Variants in GLIS1 observed in about 807,000 individuals in gnomAD.
GLIS1 encodes GLIS family zinc finger 1.
GLIS1 carries 24 observed loss-of-function variants against 63.8 expected under a neutral mutation model. The observed-to-expected ratio is 0.38, with a 90% confidence interval of 0.27 to 0.53. GLIS1 has a LOEUF of 0.53. Ranked by LOEUF, GLIS1 falls within the 20% of genes least tolerant of loss-of-function variation. The pLI is 0.85. For missense variants in GLIS1, 1,036 were observed against 1,074.1 expected, an observed-to-expected ratio of 0.96 and a Z score of 0.50; for synonymous variants, 450 against 482.5, an observed-to-expected ratio of 0.93 and a Z score of 0.88.
chr1:53,518,722 C>T (rs189221085), intron 7 of GLIS1, among the ~76,000 whole-genome samples: 72 of 152,306 alleles, frequency 4.7e-4, no homozygotes, highest in Non-Finnish European at 8.1e-4. Flanking sequence ...TGTTTCTCAT[C>T]GGTAGCATGG....
At chr1:53,556,813 GGT>G in intron 4 of GLIS1, among the ~76,000 whole-genome samples, 1 of 147,768 alleles carries the variant, frequency 6.8e-6, no homozygotes, top group South Asian at 2.2e-4. Context: ...GTATACTGCA[GGT>G]GTGTGTGTGC....
intron 2 of GLIS1, among the ~76,000 whole-genome samples, chr1:53,692,043 C>T (rs774493737): frequency 6.6e-6 from 1 of 152,192 alleles, no homozygotes; most frequent in South Asian, 2.1e-4. Context: ...CAGCCTGCAG[C>T]CCACTCTGCA....
intron 4 of GLIS1, among the ~76,000 whole-genome samples, chr1:53,571,813 C>T (rs369373422): frequency 1.3e-5 from 2 of 151,868 alleles, no homozygotes; most frequent in East Asian, 3.9e-4. Flanking sequence ...CTCCTGACCT[C>T]GTGATCCGCC....
rs490537 is a variant in GLIS1, at chr1:53,560,053, T to C, written c.1321-30101A>G. ...GTGCTCCCTGACTTCCCAGGCAGGATTAGAGGCCCGTAGACTCCCACAGCT... is the reference window on the plus strand; with the variant it reads ...GTGCTCCCTGACTTCCCAGGCAGGACTAGAGGCCCGTAGACTCCCACAGCT... On this transcript the variant is annotated intron_variant, in intron 4 of 10. Transcript: ENST00000628545. The surrounding 1 kb of genome is among the most constrained non-coding windows in gnomAD (Gnocchi z 4.4). Among the ~76,000 whole-genome samples the C allele has an allele frequency of 0.015, 2,264 of 152,204 alleles. 61 individuals are homozygous for C. Among genetic ancestry groups the C allele is most frequent in the African/African-American group, 0.05 (2,067 of 41,524 alleles).
At position 53,594,212 on chromosome 1, in the gene GLIS1, A is replaced by C. The variant is rs1382989057; in HGVS notation, c.1216T>G (p.Cys406Gly). The C allele has an allele frequency of 6.2e-7, 1 of 1,613,950 alleles. No individual in the cohort carries two copies. Among genetic ancestry groups the C allele is most frequent in the Non-Finnish European group, 8.5e-7 (1 of 1,179,976 alleles). ...IDQRKGEDFT[C>G]FWAGCVRRYK... The stretch of plus-strand genomic sequence containing the variant: ...CGGCGCACGCAGCCAGCCCAGAAGC[A>C]GGTGAAGTCCTCGCCCTTGCGCTGG... The change falls in exon 4 of 11, where the codon TGC becomes GGC. Residue 406 changes from cysteine to glycine, a missense_variant. By Grantham distance (159) the Cys-to-Gly change is radical. Transcript: ENST00000628545.
At position 53,594,526 on chromosome 1, in the gene GLIS1, G is replaced by A. The variant is rs201535528; in HGVS notation, c.902C>T (p.Ser301Leu). Reference sequence around the variant, plus strand: ...CAAGCTGCCCTCATGGCTGTCCGTCGATGCAGGGCCAGGCCGGGCCCGCTT... The same window carrying A: ...CAAGCTGCCCTCATGGCTGTCCGTCAATGCAGGGCCAGGCCGGGCCCGCTT... ...PSKRARPGPA[S>L]TDSHEGSLQL... The change falls in exon 4 of 11, where the codon TCG becomes TTG. Residue 301 changes from serine (S) to leucine (L), a missense_variant. Physicochemically the swap from Ser to Leu is moderately radical, Grantham distance 145 (BLOSUM62 -2). Transcript: ENST00000628545. The A allele has an allele frequency of 4.5e-5, 72 of 1,611,668 alleles. No individual in the cohort carries two copies. Among genetic ancestry groups the A allele is most frequent in the African/African-American group, 5.3e-5 (4 of 75,036 alleles).
chr1:53,588,108 C>T (rs991042077), intron 4 of GLIS1, among the ~76,000 whole-genome samples: 5 of 152,252 alleles, frequency 3.3e-5, no homozygotes, highest in Non-Finnish European at 4.4e-5. Context: ...AACTGAAAAT[C>T]GCCCAACAAG....
rs78169217 is a variant in GLIS1 at position 53,690,393 on chromosome 1, G to A, written c.259+47413C>T. On this transcript the variant is annotated intron_variant, in intron 2 of 10. Transcript: ENST00000628545. Reference sequence around the variant, plus strand: ...GACACAGCTGGGGCGGCTTCCACTGGCCTCATATGAGACATGGCGGGGGCT... The same window carrying A: ...GACACAGCTGGGGCGGCTTCCACTGACCTCATATGAGACATGGCGGGGGCT... Among the ~76,000 whole-genome samples, 756 of 152,350 alleles carry A rather than the reference G, an allele frequency of 5.0e-3. 4 individuals carry two copies. The highest frequency in any genetic ancestry group is 0.018 in the African/African-American group (728 of 41,586).
chr1:53,524,489 A>G (rs1225110973), intron 6 of GLIS1, among the ~76,000 whole-genome samples: 1 of 152,196 alleles, frequency 6.6e-6, no homozygotes, highest in Non-Finnish European at 1.5e-5. Context: ...TCATGTGTTT[A>G]CCACACAAGC....
At chr1:53,595,977 C>T (rs1263671257) in intron 3 of GLIS1, among the ~76,000 whole-genome samples, 2 of 152,200 alleles carry the variant, frequency 1.3e-5, no homozygotes, top group Admixed American at 6.5e-5. Context: ...CATGGGAGCA[C>T]GTGGGTTTGA....
intron 4 of GLIS1, among the ~76,000 whole-genome samples, chr1:53,577,818 T>C (rs2100486298): frequency 6.6e-6 from 1 of 152,252 alleles, no homozygotes; most frequent in South Asian, 2.1e-4. Flanking sequence ...TGGCCAGGAT[T>C]GGTTTCTGCT....
At chr1:53,630,749 G>A (rs148618554) in intron 2 of GLIS1, among the ~76,000 whole-genome samples, 142 of 152,184 alleles carry the variant, frequency 9.3e-4, no homozygotes, top group Middle Eastern at 3.4e-3. Context: ...CACCCGCCTC[G>A]GCCTCCCAAA....
chr1:53,552,790 C>T (rs946813870), intron 4 of GLIS1, among the ~76,000 whole-genome samples: 1 of 152,180 alleles, frequency 6.6e-6, no homozygotes, highest in Non-Finnish European at 1.5e-5. Flanking sequence ...GAGAGTTCTT[C>T]TGTTTTTATT....
chr1:53,633,080 CGT>C (rs1645682261), intron 2 of GLIS1, among the ~76,000 whole-genome samples: 1 of 78,048 alleles, frequency 1.3e-5, no homozygotes, highest in Non-Finnish European at 2.5e-5. Context: ...GGCTGAGGGG[CGT>C]GTGAATGAGT....
At chr1:53,520,806 A>G (rs1644400775) in intron 6 of GLIS1, 40 bp from the exon 7 acceptor site, 4 of 1,553,358 alleles carry the variant, frequency 2.6e-6, no homozygotes, top group Non-Finnish European at 2.6e-6. Flanking sequence ...TTAGTGTGAG[A>G]CCCCTGCCCA....
intron 2 of GLIS1, among the ~76,000 whole-genome samples, chr1:53,617,582 G>C (rs544740736): frequency 2.6e-5 from 4 of 152,380 alleles, no homozygotes; most frequent in African/African-American, 9.6e-5. Flanking sequence ...TAGCAATGCC[G>C]CACACGGGCA....
At chr1:53,517,391 A>C (rs1644363543) in intron 7 of GLIS1, among the ~76,000 whole-genome samples, 1 of 152,128 alleles carries the variant, frequency 6.6e-6, no homozygotes, top group Non-Finnish European at 1.5e-5. Flanking sequence ...AAGGTGCCTC[A>C]AGCGGTGTTT....
At position 53,720,148 on chromosome 1, in the gene GLIS1, C is replaced by T. The variant is rs151316662; in HGVS notation, c.259+17658G>A. Among the ~76,000 whole-genome samples the T allele has an allele frequency of 8.8e-3, 1,336 of 152,328 alleles. 11 individuals carry two copies. Among genetic ancestry groups the T allele is most frequent in the Non-Finnish European group, 0.015 (988 of 68,036 alleles). ...CCAAGATCGTGCCACTGCACTCCAG[C>T]CTGGGCAACAGAGCAAGACTCTGTA... On this transcript the variant is annotated intron_variant, in intron 2 of 10. Coordinates refer to ENST00000628545, the MANE Select transcript of GLIS1 (RefSeq NM_001367484.1).
rs552212253 is a variant in GLIS1 at position 53,644,568 on chromosome 1, TGAGTA to T, written c.260-44295_260-44291del. Among the ~76,000 whole-genome samples, 906 of 151,746 alleles carry T rather than the reference TGAGTA, an allele frequency of 6.0e-3. 4 individuals are homozygous for T. Among genetic ancestry groups the T allele is most frequent in the Non-Finnish European group, 9.3e-3 (635 of 67,950 alleles). On this transcript the variant is annotated intron_variant, in intron 2 of 10. Transcript: ENST00000628545. ...ATGGGAAGAGTTCTTCAAAAACAAC[TGAGTA>T]GAGTAAGGGGATGGGGGTGCTGGGG... is the stretch of plus-strand genomic sequence containing the variant.
Sources: gnomAD v4.1 joint callset for allele counts (sites outside exome capture counted in the v4.1 genomes callset) on GRCh38, gnomAD v4.1.1 for gene constraint, Gnocchi (gnomAD v3.1) non-coding constraint, MANE v1.5 for transcripts, NCBI Gene and HGNC (gene_info 2026-07-23, HGNC 2026-07-21) for gene names.